Variants in CBX6 observed in about 807,000 individuals in gnomAD.
CBX6 encodes chromobox 6.
In CBX6, 7 loss-of-function variants were observed where a neutral mutation model predicts 28.4. The ratio of observed to expected loss-of-function variants is 0.25; its 90% CI spans 0.14 to 0.46. The LOEUF is 0.46. CBX6 is among the 20% of genes least tolerant of loss of function. The pLI, the probability that CBX6 is intolerant of heterozygous loss-of-function variation, is 0.99. For missense variants in CBX6, 512 were observed against 606.1 expected (o/e 0.84, Z 1.63); for synonymous variants, 297 against 273.4 (o/e 1.09, Z -0.85).
chr22:38,872,127 G>A lies in CBX6; in HGVS notation c.64C>T (p.Arg22Ter). Reference sequence around the variant, plus strand: ...CGCCCCGGGCGGCGGCTCACCTTTCGGATCCGCCGTTTGATGATGGATTCG... The same window carrying A: ...CGCCCCGGGCGGCGGCTCACCTTTCAGATCCGCCGTTTGATGATGGATTCG... ...AAESIIKRRIRKGRIEYLVKW... is the reference protein window; with the variant it reads ...AAESIIKRRI Residue 22 changes from arginine (R) to a stop codon, truncating the protein, a stop_gained, in exon 1 of 5, where the codon CGA (arginine) becomes TGA (stop). Transcript: ENST00000407418. LOFTEE classifies it high-confidence loss of function. This position sits in a 1 kb window ranked among gnomAD's most constrained non-coding sequence, Gnocchi z 5.0. The A allele has an allele frequency of 7.1e-7, 1 of 1,414,944 alleles. No individual in the cohort carries two copies. The highest frequency in any genetic ancestry group is 1.3e-5 in the South Asian group (1 of 75,450). 87.6% of individuals were successfully genotyped at this position (1,414,944 alleles called of 1,614,324 possible). A position where few individuals can be genotyped will look rare whatever the true frequency, so the allele number is the denominator to read the frequency against.
chr22:38,871,783 C>G lies in CBX6; in HGVS notation c.114-26G>C. 6.2e-7 allele frequency: 1 copy of G among 1,604,076 alleles called. No individual in the cohort carries two copies. The highest frequency in any genetic ancestry group is 8.5e-7 in the Non-Finnish European group (1 of 1,173,638). ...CTGCCGAGTCACAAACGCACAAAAT[C>G]AGGATGAAGACCAGAGAGGGACAGG... On this transcript the variant is annotated intron_variant, in intron 2 of 4. Transcript: ENST00000407418. This position sits in a 1 kb window ranked among gnomAD's most constrained non-coding sequence, Gnocchi z 5.6.
At position 38,866,852 on chromosome 22, in the gene CBX6, C is replaced by G. The variant is rs1302320827; in HGVS notation, c.596G>C (p.Arg199Pro). The G allele has an allele frequency of 1.9e-6, 3 of 1,608,138 alleles. No homozygotes were observed. The highest frequency in any genetic ancestry group is 2.5e-6 in the Non-Finnish European group (3 of 1,177,656). Residue 199 changes from arginine (R) to proline (P), a missense_variant, in exon 5 of 5, where the codon CGC (arginine) becomes CCC (proline). By Grantham distance (103) the Arg-to-Pro change is moderately radical (BLOSUM62 -2). This residue lies in a region of CBX6 where 290 missense variants were observed against 274.1 expected (regional missense o/e 1.06). Coordinates refer to ENST00000407418, the MANE Select transcript of CBX6 (RefSeq NM_014292.5). The surrounding 1 kb of genome is among the most constrained non-coding windows in gnomAD (Gnocchi z 7.5). ...GAGQGAGALA[R>P]PKVPSRNRVI... The stretch of plus-strand genomic sequence containing the variant: ...GCGGTTCCGCGAGGGGACTTTGGGG[C>G]GGGCCAGCGCCCCGGCCCCCTGCCC...
At position 38,863,235 on chromosome 22, in the gene CBX6, C is replaced by T. The variant is rs923431926; in HGVS notation, c.*2974G>A. On this transcript the variant is annotated 3_prime_UTR_variant, in exon 5 of 5. Coordinates refer to ENST00000407418, the MANE Select transcript of CBX6 (RefSeq NM_014292.5). ...GCACCCAGACAGGGATGGGTCCCAA[C>T]TTACCGTCTCAAACCAGAGACACCA... 4 of 152,342 alleles carry T rather than the reference C, an allele frequency of 2.6e-5. No individual in the cohort carries two copies. Among genetic ancestry groups the T allele is most frequent in the Admixed American group, 6.5e-5 (1 of 15,304 alleles). 9.4% of individuals were successfully genotyped at this position (152,342 alleles called of 1,614,324 possible).
At position 38,871,862 on chromosome 22, in the gene CBX6, C is replaced by T; in HGVS notation, c.113+40G>A. 1.3e-6 allele frequency: 2 copies of T among 1,533,288 alleles called. No homozygotes were observed. The highest frequency in any genetic ancestry group is 2.4e-5 in the East Asian group (1 of 42,406). The allele number at this position is 1,533,288 out of a possible 1,614,324, so 95.0% of individuals were successfully genotyped here. ...CCACCCCAGGCCCCGGTGCCCGCTG[C>T]CTCCCCTCCCGCGACGCCCCCGGAC... On this transcript the variant is annotated intron_variant, in intron 2 of 4. Coordinates refer to ENST00000407418, the MANE Select transcript of CBX6 (RefSeq NM_014292.5). The surrounding 1 kb of genome is among the most constrained non-coding windows in gnomAD (Gnocchi z 5.6).
At position 38,866,663 on chromosome 22, in the gene CBX6, G is replaced by T; in HGVS notation, c.785C>A (p.Ala262Asp). The T allele has an allele frequency of 6.7e-7, 1 of 1,495,248 alleles. No homozygotes were observed. The highest frequency in any genetic ancestry group is 1.4e-5 in the African/African-American group (1 of 70,526). 92.6% of individuals were successfully genotyped at this position (1,495,248 alleles called of 1,614,324 possible). Reference protein sequence around the residue: ...ASAPGPGLLLAAPAAPYDARS... With the variant: ...ASAPGPGLLLDAPAAPYDARS... ...GGCGTCGTAGGGGGCGGCGGGGGCG[G>T]CCAGAAGTAGCCCAGGGCCCGGGGC... Residue 262 changes from alanine (A) to aspartate (D), a missense_variant, in exon 5 of 5, where the codon GCC becomes GAC. Ala to Asp is a moderately radical substitution (Grantham distance 126). Transcript: ENST00000407418. This position sits in a 1 kb window ranked among gnomAD's most constrained non-coding sequence, Gnocchi z 7.5.
rs112098775 is a variant in CBX6, at chr22:38,864,706, G to C, written c.*1503C>G. On this transcript the variant is annotated 3_prime_UTR_variant, in exon 5 of 5. Transcript: ENST00000407418. Reference sequence around the variant, plus strand: ...GGGTTCTGATCGGCCTCCTGCCAACGTGCTTCTGAGGGAGGGGCCCATGGC... The same window carrying C: ...GGGTTCTGATCGGCCTCCTGCCAACCTGCTTCTGAGGGAGGGGCCCATGGC... 6.6e-6 allele frequency: 1 copy of C among 152,376 alleles called. No homozygotes were observed. The highest frequency in any genetic ancestry group is 1.5e-5 in the Non-Finnish European group (1 of 68,156). The allele number at this position is 152,376 out of a possible 1,614,324, so 9.4% of individuals were successfully genotyped here.
chr22:38,871,444 C>A lies in CBX6; in HGVS notation c.246+36G>T. The A allele has an allele frequency of 6.3e-7, 1 of 1,579,072 alleles. No individual in the cohort carries two copies. The highest frequency in any genetic ancestry group is 8.6e-7 in the Non-Finnish European group (1 of 1,161,550). On this transcript the variant is annotated intron_variant, in intron 4 of 4. Transcript: ENST00000407418. This position sits in a 1 kb window ranked among gnomAD's most constrained non-coding sequence, Gnocchi z 5.6. ...CCGTGCTGTGCCGGGGCTGGGGGCC[C>A]GAGAGGGGGATGCTGCTGGGGCTGG...
At chr22:38,868,914 T>A (rs1488925974) in intron 4 of CBX6, among the ~76,000 whole-genome samples, 2 of 152,202 alleles carry the variant, frequency 1.3e-5, no homozygotes, top group Non-Finnish European at 2.9e-5. Context: ...TAAGCAAGGA[T>A]GTCTTCATTT....
At position 38,866,524 on chromosome 22, in the gene CBX6, G is replaced by T. The variant is rs746923348; in HGVS notation, c.924C>A (p.Arg308=). The change falls in exon 5 of 5, where the codon CGC becomes CGA. Residue 308 remains arginine (R), a synonymous_variant. Transcript: ENST00000407418. The surrounding 1 kb of genome is among the most constrained non-coding windows in gnomAD (Gnocchi z 7.5). ...ETVSPSAPSW[R]EPEVLDLSLP... The stretch of plus-strand genomic sequence containing the variant: ...GGGACAGGTCGAGCACCTCCGGCTC[G>T]CGCCAGCTGGGGGCGGATGGGCTCA... 6 of 1,581,264 alleles carry T rather than the reference G, an allele frequency of 3.8e-6. No homozygotes were observed. In the South Asian group the frequency reaches 6.7e-5, roughly 18 times the overall value.
rs1156497294 is a variant in CBX6, at chr22:38,870,388, T to A, written c.246+1092A>T. ...TTCTGTGTATCAATGCTCATGGTCA[T>A]ACTCGCTTCGCCGCTAGAGGGTGCC... On this transcript the variant is annotated intron_variant, in intron 4 of 4. Coordinates refer to ENST00000407418, the MANE Select transcript of CBX6 (RefSeq NM_014292.5). The surrounding 1 kb of genome is among the most constrained non-coding windows in gnomAD (Gnocchi z 4.3). The A allele has an allele frequency of 6.6e-6, 1 of 152,230 alleles. No individual in the cohort carries two copies. Among genetic ancestry groups the A allele is most frequent in the African/African-American group, 2.4e-5 (1 of 41,454 alleles). 9.4% of individuals were successfully genotyped at this position (152,230 alleles called of 1,614,324 possible).
Position 38,865,993 on chromosome 22 carries a change from C to A in CBX6, c.*216G>T, listed in dbSNP as rs2093168397. 1 of 587,100 alleles carries A rather than the reference C, an allele frequency of 1.7e-6. No individual in the cohort carries two copies. The highest frequency in any genetic ancestry group is 3.0e-6 in the Non-Finnish European group (1 of 330,896). The allele number at this position is 587,100 out of a possible 1,614,324, so 36.4% of individuals were successfully genotyped here. A position where few individuals can be genotyped will look rare whatever the true frequency, so the allele number is the denominator to read the frequency against. On this transcript the variant is annotated 3_prime_UTR_variant, in exon 5 of 5. Coordinates refer to ENST00000407418, the MANE Select transcript of CBX6 (RefSeq NM_014292.5). ...CACCCAGTGGGCTACCATGCATGGG[C>A]AGGGGGTGTGCCCTTCCCCTGCCCC... is the stretch of plus-strand genomic sequence containing the variant.
intron 4 of CBX6, among the ~76,000 whole-genome samples, chr22:38,867,733 G>A (rs947775538): frequency 7.2e-5 from 11 of 152,184 alleles, no homozygotes; most frequent in Admixed American, 1.3e-4. Flanking sequence ...GTACTCTCTC[G>A]CCTTTGAGCA....
chr22:38,870,165 T>C lies in CBX6; in HGVS notation c.246+1315A>G, dbSNP rs1240952222. ...ACAAGATGAAGAAAAGGAGACAGGATGAAGCCAGGAAGCTGGACCTCGGGT... is the reference window on the plus strand; with the variant it reads ...ACAAGATGAAGAAAAGGAGACAGGACGAAGCCAGGAAGCTGGACCTCGGGT... On this transcript the variant is annotated intron_variant, in intron 4 of 4. Coordinates refer to ENST00000407418, the MANE Select transcript of CBX6 (RefSeq NM_014292.5). This position sits in a 1 kb window ranked among gnomAD's most constrained non-coding sequence, Gnocchi z 4.3. 2.6e-5 allele frequency: 4 copies of C among 152,224 alleles called. No individual in the cohort carries two copies. Among genetic ancestry groups the C allele is most frequent in the Non-Finnish European group, 4.4e-5 (3 of 68,050 alleles). 9.4% of individuals were successfully genotyped at this position (152,224 alleles called of 1,614,324 possible). A position where few individuals can be genotyped will look rare whatever the true frequency, so the allele number is the denominator to read the frequency against.
chr22:38,862,619 G>A lies in CBX6; in HGVS notation c.*3590C>T, dbSNP rs6001274. On this transcript the variant is annotated 3_prime_UTR_variant, in exon 5 of 5. Transcript: ENST00000407418. ...ACCAAAACAACAAAATGACACAGAA[G>A]AGTGGGCAAAAGGGGGATGTGTCCT... 12,983 of 149,310 alleles carry A rather than the reference G, an allele frequency of 0.087. 1,690 individuals carry two copies. The highest frequency in any genetic ancestry group is 0.29 in the African/African-American group (11,612 of 40,566). The allele number at this position is 149,310 out of a possible 1,614,324, so 9.2% of individuals were successfully genotyped here. A position where few individuals can be genotyped will look rare whatever the true frequency, so the allele number is the denominator to read the frequency against.
Position 38,866,089 on chromosome 22 carries a change from G to A in CBX6, c.*120C>T, listed in dbSNP as rs1046787362. On this transcript the variant is annotated 3_prime_UTR_variant, in exon 5 of 5. Coordinates refer to ENST00000407418, the MANE Select transcript of CBX6 (RefSeq NM_014292.5). The surrounding 1 kb of genome is among the most constrained non-coding windows in gnomAD (Gnocchi z 7.5). Reference sequence around the variant, plus strand: ...CCAGCCCCATCCCTGGGTCAACACCGAGCCATTTGAGACAAGCAAAGCACA... The same window carrying A: ...CCAGCCCCATCCCTGGGTCAACACCAAGCCATTTGAGACAAGCAAAGCACA... 5.4e-5 allele frequency: 44 copies of A among 813,436 alleles called. No individual in the cohort carries two copies. In the South Asian group the frequency reaches 5.9e-4, roughly 11 times the overall value. 50.4% of individuals were successfully genotyped at this position (813,436 alleles called of 1,614,324 possible).
At position 38,871,680 on chromosome 22, in the gene CBX6, CCAA is replaced by C. The variant is rs777554115; in HGVS notation, c.179+9_179+11del. 1.9e-6 allele frequency: 3 copies of C among 1,613,326 alleles called. No individual in the cohort carries two copies. The highest frequency in any genetic ancestry group is 2.5e-6 in the Non-Finnish European group (3 of 1,179,662). ...GGCCTCGCAGCCCCTGCCAGCTTCC[CCAA>C]CAACTCACTTTTGTTCGAAGGCTGC... On this transcript the variant is annotated intron_variant, in intron 3 of 4. Transcript: ENST00000407418. The surrounding 1 kb of genome is among the most constrained non-coding windows in gnomAD (Gnocchi z 5.6).
Position 38,866,269 on chromosome 22 carries a change from C to G in CBX6, c.1179G>C (p.Lys393Asn), listed in dbSNP as rs766218858. Residue 393 changes from lysine (K) to asparagine (N), a missense_variant, in exon 5 of 5, where the codon AAG becomes AAC. Lys to Asn is a moderately conservative substitution (Grantham distance 94). Transcript: ENST00000407418. This position sits in a 1 kb window ranked among gnomAD's most constrained non-coding sequence, Gnocchi z 7.5. Reference sequence around the variant, plus strand: ...CGGCGCCTGCTACCCCAGCAGCCACCTTCTCGAAATCCTCAGGGTTGCAGA... The same window carrying G: ...CGGCGCCTGCTACCCCAGCAGCCACGTTCTCGAAATCCTCAGGGTTGCAGA... The part of the protein sequence containing the change: ...KEFCNPEDFE[K>N]VAAGVAGAAG... 1.2e-6 allele frequency: 2 copies of G among 1,613,644 alleles called. No homozygotes were observed. The highest frequency in any genetic ancestry group is 1.7e-6 in the Non-Finnish European group (2 of 1,179,736).
In CBX6 at chr22:38,870,428, A is replaced by G. The variant is rs937954756; in HGVS notation, c.246+1052T>C. On this transcript the variant is annotated intron_variant, in intron 4 of 4. Coordinates refer to ENST00000407418, the MANE Select transcript of CBX6 (RefSeq NM_014292.5). The surrounding 1 kb of genome is among the most constrained non-coding windows in gnomAD (Gnocchi z 4.3). ...TAGAGGGTGCCCCAGCTGCACTGAGAGGCTGTCACACAGCCCACCAGCCTT... is the reference window on the plus strand; with the variant it reads ...TAGAGGGTGCCCCAGCTGCACTGAGGGGCTGTCACACAGCCCACCAGCCTT... The G allele has an allele frequency of 6.6e-6, 1 of 152,284 alleles. No homozygotes were observed. Among genetic ancestry groups the G allele is most frequent in the Non-Finnish European group, 1.5e-5 (1 of 68,094 alleles). The allele number at this position is 152,284 out of a possible 1,614,324, so 9.4% of individuals were successfully genotyped here. A position where few individuals can be genotyped will look rare whatever the true frequency, so the allele number is the denominator to read the frequency against.
intron 4 of CBX6, 27 bp from the exon 5 acceptor site, chr22:38,867,228 G>GGGGGGTGGGGGGC: frequency 3.9e-6 from 2 of 518,858 alleles, no homozygotes; most frequent in Non-Finnish European, 3.6e-6. Context: ...GGGTGGGTGG[G>GGGGGGTGGGGGGC]ACCTCAGGAC....
Sources: allele counts gnomAD v4.1 joint callset (sites outside exome capture counted in the v4.1 genomes callset), GRCh38; gene constraint gnomAD v4.1.1; regional missense constraint gnomAD v4.1.1; non-coding constraint Gnocchi (gnomAD v3.1); transcripts MANE v1.5; gene names NCBI Gene and HGNC (gene_info 2026-07-23, HGNC 2026-07-21).